SNTG1: variants seen among roughly 807,000 people sequenced by gnomAD.
The protein encoded by SNTG1 is syntrophin gamma 1.
A neutral mutation model predicts 74.7 loss-of-function variants in SNTG1; 39 were observed. The observed-to-expected ratio is 0.52, with a 90% CI of 0.40 to 0.68. The LOEUF (loss-of-function observed/expected upper bound fraction) is 0.68, where lower values mean the gene tolerates loss of function less well. SNTG1 is among the 30% of genes least tolerant of loss of function. SNTG1 has a pLI of 0.00. For synonymous variants in SNTG1, 254 were observed against 217.1 expected (o/e 1.17, Z -1.49); for missense variants, 685 against 609.5 (o/e 1.12, Z -1.30).
At chr8:50,358,585 A>T (rs995791333) in intron 2 of SNTG1, among the ~76,000 whole-genome samples, 2 of 152,230 alleles carry the variant, frequency 1.3e-5, no homozygotes. Context: ...CAATAACACT[A>T]TGCACAACTT....
intron 17 of SNTG1, 45 bp from the exon 18 acceptor site, chr8:50,751,956 G>T: frequency 8.6e-7 from 1 of 1,166,870 alleles, no homozygotes; most frequent in Non-Finnish European, 1.2e-6. Context: ...TTTGAAAGCA[G>T]ATATTAATTC....
chr8:50,198,618 G>A (rs1267676830), intron 2 of SNTG1, among the ~76,000 whole-genome samples: 1 of 152,132 alleles, frequency 6.6e-6, no homozygotes, highest in East Asian at 1.9e-4. Context: ...CAGCAGCAAA[G>A]TACAGTAAAG....
intron 2 of SNTG1, among the ~76,000 whole-genome samples, chr8:50,269,247 T>C (rs1178767504): frequency 6.6e-6 from 1 of 152,136 alleles, no homozygotes; most frequent in Non-Finnish European, 1.5e-5. Flanking sequence ...TTATAAAAAT[T>C]AAAAATATTC....
intron 1 of SNTG1, among the ~76,000 whole-genome samples, chr8:50,165,948 G>A (rs1200169055): frequency 6.8e-6 from 1 of 148,090 alleles, no homozygotes; most frequent in Non-Finnish European, 1.5e-5. Flanking sequence ...ACAGACCAGA[G>A]CCCTCAGAAA....
intron 2 of SNTG1, among the ~76,000 whole-genome samples, chr8:50,376,683 CAGA>C (rs1384975689): frequency 1.4e-5 from 2 of 142,252 alleles, no homozygotes; most frequent in Non-Finnish European, 3.0e-5. Flanking sequence ...TAATCTATTT[CAGA>C]AGTAGATTAA....
At chr8:50,580,230 A>G (rs896695455) in intron 12 of SNTG1, among the ~76,000 whole-genome samples, 4 of 152,184 alleles carry the variant, frequency 2.6e-5, no homozygotes, top group African/African-American at 4.8e-5. Context: ...AATTTGTCCC[A>G]TTTAGAACAG....
At chr8:50,401,379 A>G (rs768356288) in intron 3 of SNTG1, among the ~76,000 whole-genome samples, 1 of 152,092 alleles carries the variant, frequency 6.6e-6, no homozygotes, top group Non-Finnish European at 1.5e-5. Flanking sequence ...GACAAGACTC[A>G]TGGACTTCTT....
In SNTG1 at chr8:50,149,731, G is replaced by A. The variant is rs1039512895; in HGVS notation, c.-102-22830G>A. Among the ~76,000 whole-genome samples the A allele has an allele frequency of 2.0e-5, 3 of 152,236 alleles. No individual in the cohort carries two copies. In the East Asian group the frequency reaches 5.8e-4, roughly 29 times the overall value. ...GTGTGGCATTATTTCTGAGGGCTCT[G>A]TTCTGTTCCATTGGTCTATATCTCT... On this transcript the variant is annotated intron_variant, in intron 1 of 18. Transcript: ENST00000642720.
intron 8 of SNTG1, among the ~76,000 whole-genome samples, chr8:50,458,422 G>A (rs914466715): frequency 1.3e-5 from 2 of 151,860 alleles, no homozygotes; most frequent in Non-Finnish European, 2.9e-5. Context: ...ATCTCAAAAT[G>A]GAATAAAGTA....
chr8:50,585,785 A>G (rs1187733167), intron 12 of SNTG1, among the ~76,000 whole-genome samples: 1 of 152,142 alleles, frequency 6.6e-6, no homozygotes, highest in Admixed American at 6.5e-5. Flanking sequence ...TAATTAATGT[A>G]TCTTTTTGGG....
chr8:50,243,179 T>TTAC (rs10660763), intron 2 of SNTG1, among the ~76,000 whole-genome samples: 1 of 151,882 alleles, frequency 6.6e-6, no homozygotes, highest in African/African-American at 2.4e-5. Flanking sequence ...CTGAATTATC[T>TTAC]TATATATTTG....
chr8:50,455,318 G>C (rs2093494961), intron 8 of SNTG1, among the ~76,000 whole-genome samples: 1 of 152,082 alleles, frequency 6.6e-6, no homozygotes, highest in Non-Finnish European at 1.5e-5. Context: ...TTTCAGACTT[G>C]AGATTTATGG....
At chr8:50,711,570 A>G (rs779807391) in intron 17 of SNTG1, among the ~76,000 whole-genome samples, 4 of 152,192 alleles carry the variant, frequency 2.6e-5, no homozygotes, top group Non-Finnish European at 5.9e-5. Flanking sequence ...GCAGGGAATG[A>G]GAGTCGGCAT....
rs571106229 is a variant in SNTG1, at chr8:50,664,731, G to C, written c.1038+6068G>C. On this transcript the variant is annotated intron_variant, in intron 15 of 18. Coordinates refer to ENST00000642720, the MANE Select transcript of SNTG1 (RefSeq NM_018967.5). ...TTCAGGAGTACAGTTGCAATGATCAGGTTCTTCCTAGTGAGAGGAAGATCG... is the reference window on the plus strand; with the variant it reads ...TTCAGGAGTACAGTTGCAATGATCACGTTCTTCCTAGTGAGAGGAAGATCG... Among the ~76,000 whole-genome samples, 4 of 152,194 alleles carry C rather than the reference G, an allele frequency of 2.6e-5. No individual in the cohort carries two copies. In the East Asian group the frequency reaches 7.7e-4, roughly 29 times the overall value.
intron 8 of SNTG1, among the ~76,000 whole-genome samples, chr8:50,470,571 G>C (rs2093644475): frequency 1.3e-5 from 2 of 152,160 alleles, no homozygotes; most frequent in Non-Finnish European, 2.9e-5. Context: ...GTTCCTCCCG[G>C]TGGGTTTGTG....
chr8:50,784,080 T>C (rs1323220731), intron 18 of SNTG1, among the ~76,000 whole-genome samples: 1 of 152,222 alleles, frequency 6.6e-6, no homozygotes, highest in Admixed American at 6.5e-5. Context: ...AACAGTGGGC[T>C]CTTCATAACT....
chr8:50,370,392 G>T (rs1262560911), intron 2 of SNTG1, among the ~76,000 whole-genome samples: 2 of 152,170 alleles, frequency 1.3e-5, no homozygotes, highest in Non-Finnish European at 2.9e-5. Context: ...GATCTTGAAA[G>T]TCAGAATGGG....
intron 1 of SNTG1, among the ~76,000 whole-genome samples, chr8:50,072,610 A>T (rs1414534441): frequency 6.6e-6 from 1 of 152,206 alleles, no homozygotes; most frequent in South Asian, 2.1e-4. Context: ...AAGTTAATTC[A>T]GTGAGAAACA....
chr8:50,659,295 C>T (rs1181165458), intron 15 of SNTG1, among the ~76,000 whole-genome samples: 2 of 152,000 alleles, frequency 1.3e-5, no homozygotes, highest in Non-Finnish European at 2.9e-5. Flanking sequence ...TTGGAATAAC[C>T]TATAAAACAT....
Sources: allele counts gnomAD v4.1 joint callset (sites outside exome capture counted in the v4.1 genomes callset), GRCh38; gene constraint gnomAD v4.1.1; transcripts MANE v1.5; gene names NCBI Gene and HGNC (gene_info 2026-07-23, HGNC 2026-07-21).